The following ROBO1 variants were observed in gnomAD, a reference collection of about 807,000 sequenced individuals.
The protein encoded by ROBO1 is roundabout homolog 1.
Under a neutral mutation model 195.9 loss-of-function variants are expected in ROBO1, and 149 were observed. That is an observed-to-expected ratio of 0.76 (90% CI 0.67 to 0.87). The LOEUF (loss-of-function observed/expected upper bound fraction) is 0.87. ROBO1 is among the 40% of genes least tolerant of loss of function. ROBO1 has a pLI of 0.00. For missense variants in ROBO1, 1,933 were observed against 2,068.3 expected (o/e 0.93, Z 1.27); for synonymous variants, 816 against 733.2 (o/e 1.11, Z -1.82).
intron 4 of ROBO1, among the ~76,000 whole-genome samples, chr3:78,873,760 T>C (rs775307934): frequency 3.0e-4 from 46 of 152,262 alleles, no homozygotes; most frequent in Non-Finnish European, 6.2e-4. Context: ...ATATTCATTT[T>C]CTGTGTTCAT....
chr3:79,730,958 T>G (rs1419479377), intron 1 of ROBO1, among the ~76,000 whole-genome samples: 1 of 151,956 alleles, frequency 6.6e-6, no homozygotes, highest in African/African-American at 2.4e-5. Context: ...TTTGTATTTT[T>G]AGTAGAGACG....
At chr3:79,057,111 T>C (rs4680951) in intron 3 of ROBO1, among the ~76,000 whole-genome samples, 150,429 of 152,132 alleles carry the variant, frequency 0.99, 74,402 homozygotes, top group Middle Eastern at 1. Flanking sequence ...GGTGGTCCCT[T>C]GATTGACCAA....
chr3:79,654,276 A>G (rs1381367965), intron 1 of ROBO1, among the ~76,000 whole-genome samples: 1 of 152,022 alleles, frequency 6.6e-6, no homozygotes, highest in East Asian at 1.9e-4. Flanking sequence ...AGCTTTTGAC[A>G]AACTACAAAA....
At position 79,767,887 on chromosome 3, in the gene ROBO1, A is replaced by T. The variant is rs1705082721; in HGVS notation, c.-186T>A. The T allele has an allele frequency of 1.3e-5, 2 of 152,216 alleles. No homozygotes were observed. Among genetic ancestry groups the T allele is most frequent in the African/African-American group, 4.8e-5 (2 of 41,458 alleles). 9.4% of individuals were successfully genotyped at this position (152,216 alleles called of 1,614,324 possible). A position where few individuals can be genotyped will look rare whatever the true frequency, so the allele number is the denominator to read the frequency against. On this transcript the variant is annotated 5_prime_UTR_variant, in exon 1 of 31. Transcript: ENST00000464233. ...AGACTTTTAAACCTAAGAGTGGGGA[A>T]ATAGGGAGAGAGTGAAGTCGGGTTT...
intron 2 of ROBO1, among the ~76,000 whole-genome samples, chr3:79,258,861 GC>G (rs2108933624): frequency 6.6e-6 from 1 of 152,126 alleles, no homozygotes; most frequent in East Asian, 1.9e-4. Context: ...TATTAGGGTT[GC>G]CTAATTAGGC....
rs570974559 is a variant in ROBO1, at chr3:78,744,223, C to T, written c.657+2520G>A. 2.0e-3 allele frequency among the ~76,000 whole-genome samples: 299 copies of T among 152,262 alleles called. 1 individual carries two copies. In the Middle Eastern group the frequency reaches 0.024, roughly 12 times the overall value. On this transcript the variant is annotated intron_variant, in intron 5 of 30. Coordinates refer to ENST00000464233, the MANE Select transcript of ROBO1 (RefSeq NM_002941.4). Reference sequence around the variant, plus strand: ...GGAGGTCCTTGACTTTTCCCTTTTGCTCACAAACACATCCAGTCTGTTAGC... The same window carrying T: ...GGAGGTCCTTGACTTTTCCCTTTTGTTCACAAACACATCCAGTCTGTTAGC...
At chr3:78,768,603 T>C (rs1440942332) in intron 4 of ROBO1, among the ~76,000 whole-genome samples, 2 of 152,070 alleles carry the variant, frequency 1.3e-5, no homozygotes, top group African/African-American at 2.4e-5. Flanking sequence ...TCAATATACA[T>C]AGACATGTAC....
intron 1 of ROBO1, among the ~76,000 whole-genome samples, chr3:79,636,584 A>T (rs1240551226): frequency 6.6e-6 from 1 of 152,044 alleles, no homozygotes; most frequent in African/African-American, 2.4e-5. Context: ...CCTTTACTCC[A>T]TTATTGGTGA....
intron 2 of ROBO1, among the ~76,000 whole-genome samples, chr3:79,387,255 C>G (rs1213853905): frequency 6.6e-6 from 1 of 151,796 alleles, no homozygotes; most frequent in Non-Finnish European, 1.5e-5. Context: ...ATAAGTAAAC[C>G]AGAAAATGAC....
chr3:79,540,527 T>C (rs1942025617), intron 2 of ROBO1, among the ~76,000 whole-genome samples: 1 of 152,086 alleles, frequency 6.6e-6, no homozygotes, highest in Admixed American at 6.6e-5. Context: ...CCACTCCCCA[T>C]CACGAATCTC....
At chr3:78,787,687 T>A (rs1348810707) in intron 4 of ROBO1, among the ~76,000 whole-genome samples, 1 of 152,128 alleles carries the variant, frequency 6.6e-6, no homozygotes, top group East Asian at 1.9e-4. Flanking sequence ...CTAATGCCTA[T>A]AATCCAGCAC....
chr3:79,293,781 G>A (rs556864627), intron 2 of ROBO1, among the ~76,000 whole-genome samples: 12 of 152,118 alleles, frequency 7.9e-5, no homozygotes, highest in East Asian at 3.9e-4. Context: ...ACTTTGGGCC[G>A]GGCGCGGTGG....
At chr3:79,385,145 T>C (rs1247060085) in intron 2 of ROBO1, among the ~76,000 whole-genome samples, 1 of 150,032 alleles carries the variant, frequency 6.7e-6, no homozygotes, top group Non-Finnish European at 1.5e-5. Flanking sequence ...ATGAGAACAA[T>C]TTTCATTCTT....
intron 2 of ROBO1, among the ~76,000 whole-genome samples, chr3:79,166,342 G>C (rs1228564610): frequency 1.3e-5 from 2 of 152,102 alleles, no homozygotes; most frequent in Non-Finnish European, 2.9e-5. Context: ...TGATGGTTAT[G>C]ATGGTACTGC....
At chr3:79,045,654 A>C (rs1289512933) in intron 3 of ROBO1, among the ~76,000 whole-genome samples, 1 of 152,152 alleles carries the variant, frequency 6.6e-6, no homozygotes, top group Non-Finnish European at 1.5e-5. Flanking sequence ...GCTATTGTGC[A>C]TTAAAAAAAT....
chr3:79,596,076 T>C (rs763786753), intron 1 of ROBO1, among the ~76,000 whole-genome samples: 1 of 152,038 alleles, frequency 6.6e-6, no homozygotes, highest in Non-Finnish European at 1.5e-5. Flanking sequence ...AATAGGACTA[T>C]AGTCATAGAG....
chr3:78,647,667 A>G lies in ROBO1; in HGVS notation c.2813-12T>C. ...GGTAAAAGACGGGACTGAAAAATCA[A>G]AACAAAATATAAACCAGTTATTAAG... On this transcript the variant is annotated splice_polypyrimidine_tract_variant and intron_variant, in intron 19 of 30. Transcript: ENST00000464233. The G allele has an allele frequency of 6.2e-7, 1 of 1,608,856 alleles. No homozygotes were observed. Among genetic ancestry groups the G allele is most frequent in the Non-Finnish European group, 8.5e-7 (1 of 1,175,530 alleles).
intron 1 of ROBO1, among the ~76,000 whole-genome samples, chr3:79,607,095 GCACACA>G (rs35692271): frequency 1.9e-4 from 27 of 140,044 alleles, no homozygotes; most frequent in East Asian, 6.2e-4. Context: ...ATTAAAACCT[GCACACA>G]CACACACACA....
chr3:78,679,183 A>G (rs1438960247), intron 10 of ROBO1, among the ~76,000 whole-genome samples: 1 of 151,990 alleles, frequency 6.6e-6, no homozygotes, highest in Non-Finnish European at 1.5e-5. Context: ...TCTCAAAATA[A>G]TAAGAGCTAT....
Sources: allele counts gnomAD v4.1 joint callset (sites outside exome capture counted in the v4.1 genomes callset), GRCh38; gene constraint gnomAD v4.1.1; transcripts MANE v1.5; gene names NCBI Gene and HGNC (gene_info 2026-07-23, HGNC 2026-07-21).